PARP4: variants seen among roughly 807,000 people sequenced by gnomAD.
The protein encoded by PARP4 is protein mono-ADP-ribosyltransferase PARP4.
Under a neutral mutation model 187.7 loss-of-function variants are expected in PARP4, and 120 were observed. The observed-to-expected ratio is 0.64, with a 90% CI of 0.55 to 0.74. The LOEUF (loss-of-function observed/expected upper bound fraction) is 0.74, where lower values mean the gene tolerates loss of function less well. Among genes scored for constraint, PARP4 ranks in the 30% least tolerant of loss-of-function variants. The pLI is 0.00. For synonymous variants in PARP4, 654 were observed against 740.9 expected (o/e 0.88, Z 1.90); for missense variants, 1,836 against 2,070.5 (o/e 0.89, Z 2.20).
intron 33 of PARP4, among the ~76,000 whole-genome samples, chr13:24,423,091 T>C (rs1869831064): frequency 6.6e-6 from 1 of 152,242 alleles, no homozygotes; most frequent in Admixed American, 6.5e-5. Context: ...ATATTAATAA[T>C]TGGCAATGAT....
At chr13:24,493,467 C>G (rs1593646535) in intron 8 of PARP4, 129 bp downstream of exon 8, 1 of 844,906 alleles carries the variant, frequency 1.2e-6, no homozygotes, top group East Asian at 2.7e-5. Context: ...AGTACCGGTA[C>G]AAGGAAAGAA....
Position 24,434,587 on chromosome 13 carries a change from A to C in PARP4, c.4554T>G (p.Phe1518Leu), listed in dbSNP as rs1285624113. The C allele has an allele frequency of 1.9e-6, 3 of 1,612,814 alleles. No individual in the cohort carries two copies. The highest frequency in any genetic ancestry group is 2.5e-6 in the Non-Finnish European group (3 of 1,179,114). Residue 1518 changes from phenylalanine to leucine, a missense_variant, in exon 31 of 34, where the codon TTT (phenylalanine) becomes TTG (leucine). Physicochemically the swap from Phe to Leu is conservative, Grantham distance 22. Transcript: ENST00000381989. ...LEGSRCPVFA[F>L]QSSDTESDEL... The stretch of plus-strand genomic sequence containing the variant: ...CATCACTTTCTGTGTCAGAACTTTG[A>C]AAAGCAAAGACAGGACATCGACTTC...
intron 1 of PARP4, among the ~76,000 whole-genome samples, chr13:24,504,126 T>G (rs1869466633): frequency 6.6e-6 from 1 of 152,086 alleles, no homozygotes; most frequent in Admixed American, 6.6e-5. Context: ...TTAACATTAT[T>G]TGATAGTGAA....
At chr13:24,452,938 A>AT (rs57326573) in intron 23 of PARP4, among the ~76,000 whole-genome samples, 12 of 150,482 alleles carry the variant, frequency 8.0e-5, no homozygotes, top group East Asian at 3.9e-4. Flanking sequence ...CATTTTATTT[A>AT]TTTTTTTTTT....
chr13:24,452,013 C>G (rs1031866812), intron 24 of PARP4: 1 of 157,546 alleles, frequency 6.3e-6, no homozygotes, highest in African/African-American at 2.4e-5. Flanking sequence ...GAGGTTTACC[C>G]AGGCCCTTCG....
At chr13:24,510,953 G>A (rs1038283871) in intron 1 of PARP4, among the ~76,000 whole-genome samples, 1 of 145,508 alleles carries the variant, frequency 6.9e-6, no homozygotes, top group Non-Finnish European at 1.5e-5. Context: ...GCACCACCAT[G>A]CCCAGCTAAT....
intron 31 of PARP4, among the ~76,000 whole-genome samples, chr13:24,433,364 C>T (rs1870446822): frequency 6.6e-6 from 1 of 152,168 alleles, no homozygotes; most frequent in African/African-American, 2.4e-5. Context: ...TGGTGTCCCA[C>T]CTTTCTCTCT....
intron 11 of PARP4, 74 bp downstream of exon 11, chr13:24,486,094 T>G (rs535411149): frequency 7.3e-7 from 1 of 1,373,232 alleles, no homozygotes; most frequent in Non-Finnish European, 1.0e-6. Context: ...TAGAAAAAAG[T>G]AGGAAAAAAA....
chr13:24,458,941 T>A, intron 20 of PARP4, 103 bp downstream of exon 20: 1 of 796,914 alleles, frequency 1.3e-6, no homozygotes, highest in South Asian at 1.6e-5. Context: ...TGTTAGAAGT[T>A]TTGTCAGCAT....
intron 1 of PARP4, among the ~76,000 whole-genome samples, chr13:24,506,299 C>A (rs552610257): frequency 6.6e-6 from 1 of 152,224 alleles, no homozygotes; most frequent in Admixed American, 6.5e-5. Flanking sequence ...AGTGAAGCTG[C>A]AGACCTCCGC....
intron 17 of PARP4, among the ~76,000 whole-genome samples, chr13:24,463,656 A>G (rs9511283): frequency 0.51 from 76,923 of 151,622 alleles, 19,792 homozygotes; most frequent in South Asian, 0.65. Context: ...TCAAAATAAT[A>G]AGAACCATTA....
chr13:24,421,061 A>G lies in PARP4; in HGVS notation c.*58T>C, dbSNP rs1203448072. Reference sequence around the variant, plus strand: ...AGTTTCATTATAAGTATCTATTATCATTTGATTATTTTCTACATAGAAGCA... The same window carrying G: ...AGTTTCATTATAAGTATCTATTATCGTTTGATTATTTTCTACATAGAAGCA... On this transcript the variant is annotated 3_prime_UTR_variant, in exon 34 of 34. Transcript: ENST00000381989. 2.0e-5 allele frequency: 27 copies of G among 1,379,918 alleles called. No homozygotes were observed. The highest frequency in any genetic ancestry group is 2.5e-5 in the Non-Finnish European group (26 of 1,025,102). The allele number at this position is 1,379,918 out of a possible 1,614,324, so 85.5% of individuals were successfully genotyped here. A position where few individuals can be genotyped will look rare whatever the true frequency, so the allele number is the denominator to read the frequency against.
chr13:24,506,019 A>G (rs1017145309), intron 1 of PARP4, among the ~76,000 whole-genome samples: 1 of 152,180 alleles, frequency 6.6e-6, no homozygotes, highest in Non-Finnish European at 1.5e-5. Flanking sequence ...TACAGGCCAG[A>G]GGCCCCACCC....
chr13:24,425,163 TG>T, intron 33 of PARP4, among the ~76,000 whole-genome samples: 1 of 152,204 alleles, frequency 6.6e-6, no homozygotes, highest in Admixed American at 6.5e-5. Flanking sequence ...TAGCAGGGCG[TG>T]GTGGTGCACA....
At position 24,487,437 on chromosome 13, in the gene PARP4, G is replaced by A. The variant is rs368103660; in HGVS notation, c.1215-1132C>T. Among the ~76,000 whole-genome samples the A allele has an allele frequency of 3.3e-5, 5 of 152,298 alleles. No homozygotes were observed. The East Asian group carries it at 9.6e-4, about 29-fold the overall frequency. The stretch of plus-strand genomic sequence containing the variant: ...TGATGGGTTGGATGGGGCAGGAGTA[G>A]AGGGGAGCATCTGGAAGGACACTGT... On this transcript the variant is annotated intron_variant, in intron 10 of 33. Transcript: ENST00000381989.
At chr13:24,501,401 G>A (rs1869272347) in intron 3 of PARP4, among the ~76,000 whole-genome samples, 1 of 152,202 alleles carries the variant, frequency 6.6e-6, no homozygotes, top group South Asian at 2.1e-4. Flanking sequence ...GAGATGATCA[G>A]TGTTTTGTGG....
intron 1 of PARP4, among the ~76,000 whole-genome samples, chr13:24,505,892 G>A (rs1869620478): frequency 6.6e-6 from 1 of 152,244 alleles, no homozygotes; most frequent in Non-Finnish European, 1.5e-5. Context: ...GGCAGGTCAG[G>A]TTCTCTGCCG....
At chr13:24,460,916 C>T (rs2137485171) in intron 17 of PARP4, among the ~76,000 whole-genome samples, 1 of 152,262 alleles carries the variant, frequency 6.6e-6, no homozygotes, top group East Asian at 1.9e-4. Context: ...ACTCTTCCAC[C>T]TTCTGCTCCC....
intron 21 of PARP4, among the ~76,000 whole-genome samples, chr13:24,455,614 CTTTTT>C (rs1233823030): frequency 2.6e-5 from 3 of 116,290 alleles, no homozygotes; most frequent in Non-Finnish European, 5.3e-5. Context: ...TGTAAGTTTC[CTTTTT>C]TTTTTTTTTT....
Sources: allele counts gnomAD v4.1 joint callset (sites outside exome capture counted in the v4.1 genomes callset), GRCh38; gene constraint gnomAD v4.1.1; transcripts MANE v1.5; gene names NCBI Gene and HGNC (gene_info 2026-07-23, HGNC 2026-07-21).